Variants in MGST1 observed in about 807,000 individuals in gnomAD.
MGST1 encodes glutathione S-transferase 12.
A neutral mutation model predicts 8.9 loss-of-function variants in MGST1; 5 were observed. The observed-to-expected ratio is 0.56, with a 90% CI of 0.29 to 1.19. The LOEUF (loss-of-function observed/expected upper bound fraction) is 1.19, where lower values mean the gene tolerates loss of function less well. Among genes scored for constraint, MGST1 ranks in the 50% most tolerant of loss-of-function variants. The pLI is 0.08. For synonymous variants in MGST1, 54 were observed against 67.8 expected, an observed-to-expected ratio of 0.80 and a Z score of 1.00; for missense variants, 182 against 187.4, an observed-to-expected ratio of 0.97 and a Z score of 0.17.
intron 4 of MGST1, among the ~76,000 whole-genome samples, chr12:16,461,443 T>C (rs1164438599): frequency 1.3e-5 from 2 of 152,186 alleles, no homozygotes; most frequent in African/African-American, 4.8e-5. Context: ...CAAGCACTTC[T>C]TATGCTAACA....
chr12:16,432,639 A>T (rs1423515238), intron 1 of MGST1, among the ~76,000 whole-genome samples: 1 of 149,826 alleles, frequency 6.7e-6, no homozygotes. Context: ...GTCACACCTA[A>T]AACTCTGTCC....
chr12:16,430,552 A>G (rs993211031), intron 1 of MGST1, among the ~76,000 whole-genome samples: 2 of 152,128 alleles, frequency 1.3e-5, no homozygotes, highest in African/African-American at 2.4e-5. Context: ...CTACTTACAC[A>G]TCCATCAGAG....
chr12:16,402,426 T>C (rs1940665325), intron 1 of MGST1: 2 of 1,603,752 alleles, frequency 1.2e-6, no homozygotes, highest in Admixed American at 1.7e-5. Context: ...GCCATAGCCC[T>C]GGACGCCGCT....
intron 4 of MGST1, among the ~76,000 whole-genome samples, chr12:16,487,356 G>A (rs1941405925): frequency 2.0e-5 from 3 of 152,208 alleles, no homozygotes; most frequent in Admixed American, 6.5e-5. Context: ...ATTCTGGGAA[G>A]AAATAATTTT....
At chr12:16,360,986 C>CA (rs1304741592) in intron 3 of MGST1, among the ~76,000 whole-genome samples, 2 of 148,018 alleles carry the variant, frequency 1.4e-5, no homozygotes, top group Non-Finnish European at 2.9e-5. Flanking sequence ...GTGTTCCCCC[C>CA]CTCCCCGCCC....
At chr12:16,417,451 G>A (rs1940797550) in intron 1 of MGST1, among the ~76,000 whole-genome samples, 1 of 152,058 alleles carries the variant, frequency 6.6e-6, no homozygotes, top group Non-Finnish European at 1.5e-5. Flanking sequence ...GATTTTGGTG[G>A]GGACAGAGAG....
intron 1 of MGST1, among the ~76,000 whole-genome samples, chr12:16,408,062 A>T (rs1940711489): frequency 6.7e-6 from 1 of 148,684 alleles, no homozygotes; most frequent in African/African-American, 2.5e-5. Flanking sequence ...AAAAAAAGAC[A>T]GGAACATGGA....
intron 1 of MGST1, among the ~76,000 whole-genome samples, chr12:16,425,370 C>A (rs1056431497): frequency 1.3e-5 from 2 of 152,096 alleles, no homozygotes; most frequent in African/African-American, 4.8e-5. Flanking sequence ...GCAGCCTCCA[C>A]CTCCTGGGCT....
chr12:16,497,161 A>G lies in MGST1; in HGVS notation n.483-92367A>G, dbSNP rs1255233491. 1.7e-4 allele frequency among the ~76,000 whole-genome samples: 26 copies of G among 152,158 alleles called. No individual in the cohort carries two copies. ...CTGCATCCTTTGCTGTCGGAATCAA[A>G]TGTTTGGCATTTTAGGAAATTTCTT... On this transcript the variant is annotated intron_variant and non_coding_transcript_variant, in intron 4 of 4. Transcript: ENST00000538857. This position sits in a 1 kb window ranked among gnomAD's most constrained non-coding sequence, Gnocchi z 4.4.
chr12:16,436,159 C>G (rs1940984199), intron 1 of MGST1, among the ~76,000 whole-genome samples: 1 of 151,858 alleles, frequency 6.6e-6, no homozygotes, highest in African/African-American at 2.4e-5. Context: ...ATAGAACAAG[C>G]TATTTGCTTT....
Position 16,582,322 on chromosome 12 carries a change from A to C in MGST1, n.483-7206A>C, listed in dbSNP as rs1943186742. ...GTTCATTCTCTGAATTCTAGAAAACATCTTACCTGTTCCTATAGTATTATT... is the reference window on the plus strand; with the variant it reads ...GTTCATTCTCTGAATTCTAGAAAACCTCTTACCTGTTCCTATAGTATTATT... On this transcript the variant is annotated intron_variant and non_coding_transcript_variant, in intron 4 of 4. Transcript: ENST00000538857. This position sits in a 1 kb window ranked among gnomAD's most constrained non-coding sequence, Gnocchi z 4.1. 6.6e-6 allele frequency among the ~76,000 whole-genome samples: 1 copy of C among 152,192 alleles called. No homozygotes were observed. Among genetic ancestry groups the C allele is most frequent in the South Asian group, 2.1e-4 (1 of 4,832 alleles).
chr12:16,467,191 A>C (rs1295109494), intron 4 of MGST1, among the ~76,000 whole-genome samples: 1 of 152,234 alleles, frequency 6.6e-6, no homozygotes, highest in Non-Finnish European at 1.5e-5. Context: ...TGAAAGATGC[A>C]TTGCATGAAA....
chr12:16,574,549 T>C (rs1306888426), intron 4 of MGST1, among the ~76,000 whole-genome samples: 1 of 152,164 alleles, frequency 6.6e-6, no homozygotes, highest in African/African-American at 2.4e-5. Context: ...ACCAATGATG[T>C]GTTTTAGGTA....
chr12:16,377,997 GT>G (rs910480884), downstream of MGST1, among the ~76,000 whole-genome samples: 3 of 151,210 alleles, frequency 2.0e-5, no homozygotes, highest in African/African-American at 4.9e-5. Flanking sequence ...GGGGTTGTTT[GT>G]TTTTTTCTTG....
At chr12:16,372,718 A>G (rs1168396151) in intron 3 of MGST1, among the ~76,000 whole-genome samples, 1 of 151,890 alleles carries the variant, frequency 6.6e-6, no homozygotes, top group Non-Finnish European at 1.5e-5. Flanking sequence ...TTAAAGAGAT[A>G]TCTGTACTCT....
chr12:16,435,645 A>T (rs1297323490), intron 1 of MGST1, among the ~76,000 whole-genome samples: 1 of 151,962 alleles, frequency 6.6e-6, no homozygotes, highest in African/African-American at 2.4e-5. Flanking sequence ...TGCTAGAGAT[A>T]GGGAAATAAA....
At chr12:16,541,197 A>C (rs192660518) in intron 4 of MGST1, among the ~76,000 whole-genome samples, 8 of 152,348 alleles carry the variant, frequency 5.3e-5, no homozygotes, top group Admixed American at 2.0e-4. Flanking sequence ...AACTTTTTTT[A>C]GTAAATACAA....
At chr12:16,529,931 C>G (rs1941711890) in intron 4 of MGST1, among the ~76,000 whole-genome samples, 1 of 152,076 alleles carries the variant, frequency 6.6e-6, no homozygotes, top group Admixed American at 6.6e-5. Flanking sequence ...ATCTTAGTCA[C>G]CCACACAGAA....
chr12:16,589,939 A>AT (rs1189929051), downstream of MGST1, among the ~76,000 whole-genome samples: 6 of 151,954 alleles, frequency 3.9e-5, no homozygotes, highest in East Asian at 1.2e-3. The surrounding 1 kb of genome is among the most constrained non-coding windows in gnomAD (Gnocchi z 4.2). Context: ...TATGTGTTGG[A>AT]TTTTTTTGTG....
Sources: gnomAD v4.1 joint callset for allele counts (sites outside exome capture counted in the v4.1 genomes callset) on GRCh38, gnomAD v4.1.1 for gene constraint, Gnocchi (gnomAD v3.1) non-coding constraint, MANE v1.5 for transcripts, NCBI Gene and HGNC (gene_info 2026-07-23, HGNC 2026-07-21) for gene names.